Variants in GABBR2 observed in about 807,000 individuals in gnomAD.
GABBR2 encodes gamma-aminobutyric acid type B receptor subunit 2.
GABBR2 carries 23 observed loss-of-function variants against 105.6 expected under a neutral mutation model. The observed-to-expected ratio is 0.22, with a 90% CI of 0.16 to 0.31. GABBR2 has a LOEUF of 0.31. Ranked by LOEUF, GABBR2 falls within the 10% of genes least tolerant of loss-of-function variation. The probability of loss-of-function intolerance (pLI) is 1.00; values close to 1 mark genes in which losing one functional copy is unlikely to be tolerated. For synonymous variants in GABBR2, 478 were observed against 499.7 expected (o/e 0.96, Z 0.58); for missense variants, 734 against 1,245.5 (o/e 0.59, Z 6.18).
intron 1 of GABBR2, among the ~76,000 whole-genome samples, chr9:98,674,485 G>A (rs1354471227): frequency 6.6e-6 from 1 of 152,104 alleles, no homozygotes; most frequent in Non-Finnish European, 1.5e-5. Flanking sequence ...GAGAGTGGGG[G>A]AAGAGGCAGA....
At chr9:98,328,775 TC>T (rs1564019004) in intron 13 of GABBR2, among the ~76,000 whole-genome samples, 2 of 152,178 alleles carry the variant, frequency 1.3e-5, no homozygotes, top group African/African-American at 2.4e-5. Context: ...GGTGACCCTC[TC>T]CCTGGACAAT....
intron 3 of GABBR2, among the ~76,000 whole-genome samples, chr9:98,523,989 G>A (rs564409409): frequency 2.9e-4 from 33 of 113,700 alleles, no homozygotes; most frequent in Admixed American, 4.9e-4. Context: ...GGAAAAACAA[G>A]AAAGGGCCTA....
At chr9:98,369,934 G>A (rs1432972941) in intron 12 of GABBR2, among the ~76,000 whole-genome samples, 1 of 152,140 alleles carries the variant, frequency 6.6e-6, no homozygotes, top group Non-Finnish European at 1.5e-5. Context: ...CAAGGGAGAG[G>A]CCTTGGTTTC....
intron 2 of GABBR2, among the ~76,000 whole-genome samples, chr9:98,554,863 G>A (rs1230179565): frequency 1.3e-5 from 2 of 152,166 alleles, no homozygotes; most frequent in Non-Finnish European, 2.9e-5. Flanking sequence ...TTAGAGAAAT[G>A]GCAAAACCAA....
intron 4 of GABBR2, 46 bp from the exon 5 acceptor site, chr9:98,481,043 C>A (rs772330467): frequency 5.2e-6 from 6 of 1,161,148 alleles, no homozygotes; most frequent in Middle Eastern, 3.8e-4. Context: ...ATGTTCAGCA[C>A]CCCATAAAGG....
intron 6 of GABBR2, among the ~76,000 whole-genome samples, chr9:98,457,480 A>G (rs1826345984): frequency 6.6e-6 from 1 of 152,148 alleles, no homozygotes; most frequent in Non-Finnish European, 1.5e-5. Context: ...TGTCTATTGG[A>G]TTTGGCCTTG....
chr9:98,541,345 T>C (rs1213193564), intron 3 of GABBR2, among the ~76,000 whole-genome samples: 1 of 135,858 alleles, frequency 7.4e-6, no homozygotes, highest in African/African-American at 2.8e-5. Context: ...CATTTTTTAC[T>C]ACCCATATTT....
Position 98,577,962 on chromosome 9 carries a change from C to T in GABBR2, c.432G>A (p.Glu144=). The T allele has an allele frequency of 2.5e-6, 4 of 1,613,804 alleles. No homozygotes were observed. Among genetic ancestry groups the T allele is most frequent in the East Asian group, 2.2e-5 (1 of 44,866 alleles). Reference sequence around the variant, plus strand: ...GCACCAGATTCCAGCCTTGGAGGGACTCTGCAATGATGGATGTGACGGATG... The same window carrying T: ...GCACCAGATTCCAGCCTTGGAGGGATTCTGCAATGATGGATGTGACGGATG... The part of the protein sequence containing the change: ...VCPSVTSIIA[E]SLQGWNLVQL... Residue 144 remains glutamate (E), a synonymous_variant, in exon 2 of 19, where the codon GAG becomes GAA. Transcript: ENST00000259455.
chr9:98,370,097 A>G (rs530547364), intron 12 of GABBR2, among the ~76,000 whole-genome samples: 30 of 152,230 alleles, frequency 2.0e-4, no homozygotes, highest in Non-Finnish European at 3.2e-4. Flanking sequence ...GGCAGCTACT[A>G]CAGTGACATC....
intron 3 of GABBR2, among the ~76,000 whole-genome samples, chr9:98,532,900 G>A (rs1020138336): frequency 1.3e-5 from 2 of 152,152 alleles, no homozygotes; most frequent in Non-Finnish European, 2.9e-5. Flanking sequence ...ACAAACTACC[G>A]TGTGTGCATT....
chr9:98,505,753 G>A (rs1176425117), intron 3 of GABBR2, among the ~76,000 whole-genome samples: 1 of 152,134 alleles, frequency 6.6e-6, no homozygotes, highest in Non-Finnish European at 1.5e-5. Context: ...GCATCTGCCG[G>A]CAAGGAGCAC....
At chr9:98,493,090 AC>A (rs1395425716) in intron 4 of GABBR2, among the ~76,000 whole-genome samples, 1 of 152,056 alleles carries the variant, frequency 6.6e-6, no homozygotes, top group African/African-American at 2.4e-5. Context: ...ATAATAGTAA[AC>A]TTGTGGAGAT....
chr9:98,388,023 C>T lies in GABBR2; in HGVS notation c.1529+831G>A, dbSNP rs535670778. On this transcript the variant is annotated intron_variant, in intron 10 of 18. Coordinates refer to ENST00000259455, the MANE Select transcript of GABBR2 (RefSeq NM_005458.8). The surrounding 1 kb of genome is among the most constrained non-coding windows in gnomAD (Gnocchi z 4.4). Reference sequence around the variant, plus strand: ...GTGGTCACTGTGGCTGTCCCCATGACGGCCCATGCTCTGCACCCCTGCTTA... The same window carrying T: ...GTGGTCACTGTGGCTGTCCCCATGATGGCCCATGCTCTGCACCCCTGCTTA... Among the ~76,000 whole-genome samples, 137 of 152,312 alleles carry T rather than the reference C, an allele frequency of 9.0e-4. 1 individual carries two copies. Among genetic ancestry groups the T allele is most frequent in the Non-Finnish European group, 3.1e-4 (21 of 68,040 alleles).
Position 98,342,530 on chromosome 9 carries a change from T to C in GABBR2, c.1893+20185A>G, listed in dbSNP as rs140544772. ...GGGGTATGGTCCTCCCTAGGAGGAG[T>C]TGGCCAGGCTAATGGAGGCAGCCCA... On this transcript the variant is annotated intron_variant, in intron 13 of 18. Transcript: ENST00000259455. Among the ~76,000 whole-genome samples, 240 of 151,944 alleles carry C rather than the reference T, an allele frequency of 1.6e-3. 3 individuals are homozygous for C. The highest frequency in any genetic ancestry group is 5.5e-3 in the African/African-American group (226 of 41,442).
At chr9:98,345,034 A>G (rs1050587041) in intron 13 of GABBR2, among the ~76,000 whole-genome samples, 1 of 152,042 alleles carries the variant, frequency 6.6e-6, no homozygotes, top group Non-Finnish European at 1.5e-5. Context: ...CAAGCACCCC[A>G]GGCAGAAATC....
intron 3 of GABBR2, among the ~76,000 whole-genome samples, chr9:98,505,442 G>GTT (rs1268610680): frequency 1.3e-5 from 2 of 151,838 alleles, no homozygotes; most frequent in African/African-American, 4.8e-5. Flanking sequence ...GTGTGTGTGT[G>GTT]TGTGTGTGTG....
intron 1 of GABBR2, among the ~76,000 whole-genome samples, chr9:98,585,088 AC>A (rs1564122248): frequency 6.6e-6 from 1 of 152,134 alleles, no homozygotes; most frequent in African/African-American, 2.4e-5. Flanking sequence ...GAGTCATTTC[AC>A]AAACAGCCTT....
chr9:98,501,175 T>A (rs1471346893), intron 3 of GABBR2, among the ~76,000 whole-genome samples: 2 of 147,234 alleles, frequency 1.4e-5, no homozygotes, highest in African/African-American at 2.5e-5. Flanking sequence ...ATTAATTAAT[T>A]TTTTTTTGAG....
rs1830279102 is a variant in GABBR2 at position 98,290,279 on chromosome 9, T to TTTTTTTTTTTTTTTTTTTA, written c.*304_*305insTAAAAAAAAAAAAAAAAAA. On this transcript the variant is annotated 3_prime_UTR_variant, in exon 19 of 19. Coordinates refer to ENST00000259455, the MANE Select transcript of GABBR2 (RefSeq NM_005458.8). ...TTGTCTAGTTTTTTTGTTTTTTTTT[T>TTTTTTTTTTTTTTTTTTTA]TTTTTTTTTTTTTTTGCAAGTTTGA... The TTTTTTTTTTTTTTTTTTTA allele has an allele frequency of 6.4e-6, 1 of 157,404 alleles. No homozygotes were observed. The highest frequency in any genetic ancestry group is 1.2e-5 in the Non-Finnish European group (1 of 82,150). The allele number at this position is 157,404 out of a possible 1,614,324, so 9.8% of individuals were successfully genotyped here. A position where few individuals can be genotyped will look rare whatever the true frequency, so the allele number is the denominator to read the frequency against.
Sources: allele counts gnomAD v4.1 joint callset (sites outside exome capture counted in the v4.1 genomes callset), GRCh38; gene constraint gnomAD v4.1.1; non-coding constraint Gnocchi (gnomAD v3.1); transcripts MANE v1.5; gene names NCBI Gene and HGNC (gene_info 2026-07-23, HGNC 2026-07-21).